Variants in PRR5L observed in about 807,000 individuals in gnomAD.
The protein encoded by PRR5L is proline-rich protein 5-like.
Under a neutral mutation model 36.4 loss-of-function variants are expected in PRR5L, and 21 were observed. That is an observed-to-expected ratio of 0.58 (90% confidence interval 0.41 to 0.83). The LOEUF is 0.83. Among genes scored for constraint, PRR5L ranks in the 40% least tolerant of loss-of-function variants. The pLI is 0.00. For synonymous variants in PRR5L, 188 were observed against 197.0 expected, an observed-to-expected ratio of 0.95 and a Z score of 0.38; for missense variants, 381 against 473.3, an observed-to-expected ratio of 0.80 and a Z score of 1.81.
intron 4 of PRR5L, chr11:36,425,725 G>T (rs1302178536): frequency 6.6e-6 from 1 of 151,998 alleles, no homozygotes; most frequent in African/African-American, 2.4e-5. Context: ...AGTTGTGTTT[G>T]TAAGACTTTG....
intron 1 of PRR5L, among the ~76,000 whole-genome samples, chr11:36,322,639 A>G (rs1331523007): frequency 6.6e-6 from 1 of 152,208 alleles, no homozygotes; most frequent in Non-Finnish European, 1.5e-5. Flanking sequence ...ATAGTACTGC[A>G]TCTTTGGGAC....
chr11:36,437,560 A>C, intron 6 of PRR5L, 84 bp downstream of exon 6: 1 of 789,656 alleles, frequency 1.3e-6, no homozygotes, highest in Middle Eastern at 2.6e-4. Context: ...GCTCCTGGTA[A>C]ATGGGAGAAA....
intron 3 of PRR5L, among the ~76,000 whole-genome samples, chr11:36,410,685 C>T (rs1858007017): frequency 6.6e-6 from 1 of 152,220 alleles, no homozygotes; most frequent in South Asian, 2.1e-4. Flanking sequence ...GATGCCGACA[C>T]CCGAAGGGTG....
At chr11:36,298,403 T>A (rs981228843) in intron 1 of PRR5L, among the ~76,000 whole-genome samples, 7 of 150,314 alleles carry the variant, frequency 4.7e-5, no homozygotes, top group African/African-American at 1.5e-4. Context: ...GCCCTAAACT[T>A]GTTTTCCTCC....
At chr11:36,296,474 G>C (rs150737747) in intron 1 of PRR5L, 36 bp downstream of exon 1, 1 of 152,354 alleles carries the variant, frequency 6.6e-6, no homozygotes, top group Non-Finnish European at 1.5e-5. Context: ...TTGGGGCTAG[G>C]GGGTGGGGTT....
chr11:36,395,484 T>C (rs967168680), intron 1 of PRR5L, among the ~76,000 whole-genome samples: 4 of 152,214 alleles, frequency 2.6e-5, no homozygotes, highest in Non-Finnish European at 5.9e-5. Flanking sequence ...GGCTACCATA[T>C]TGGACAGCAC....
chr11:36,374,118 CTCTCTT>C (rs888294639), intron 1 of PRR5L, among the ~76,000 whole-genome samples: 8,353 of 138,478 alleles, frequency 0.06, 330 homozygotes, highest in African/African-American at 0.092. Flanking sequence ...CTCTCTCTCT[CTCTCTT>C]TCTTTCTTTG....
Position 36,465,200 on chromosome 11 carries a change from T to A in PRR5L, c.*2464T>A, listed in dbSNP as rs888516696. ...GATTCAATAAACAACATTTTGTCCA[T>A]GTTACCCTATTCTCATGCTGGGTGC... is the stretch of plus-strand genomic sequence containing the variant. On this transcript the variant is annotated 3_prime_UTR_variant, in exon 9 of 9. Transcript: ENST00000530639. 2 of 152,200 alleles carry A rather than the reference T, an allele frequency of 1.3e-5. No individual in the cohort carries two copies. Among genetic ancestry groups the A allele is most frequent in the Non-Finnish European group, 2.9e-5 (2 of 68,032 alleles). 9.4% of individuals were successfully genotyped at this position (152,200 alleles called of 1,614,324 possible). A position where few individuals can be genotyped will look rare whatever the true frequency, so the allele number is the denominator to read the frequency against.
chr11:36,408,004 G>T (rs1203544920), intron 3 of PRR5L, among the ~76,000 whole-genome samples: 1 of 152,196 alleles, frequency 6.6e-6, no homozygotes, highest in African/African-American at 2.4e-5. Flanking sequence ...GCCAGGTGCG[G>T]TGGCTCACCC....
At chr11:36,408,597 C>T (rs7122435) in intron 3 of PRR5L, among the ~76,000 whole-genome samples, 34,813 of 151,894 alleles carry the variant, frequency 0.23, 5,663 homozygotes, top group African/African-American at 0.47. Context: ...GGTGTTAGTG[C>T]GGTTTTTAAC....
intron 6 of PRR5L, among the ~76,000 whole-genome samples, chr11:36,444,677 C>A (rs927358301): frequency 1.3e-5 from 2 of 152,190 alleles, no homozygotes; most frequent in South Asian, 4.1e-4. Context: ...GCTTTGCAGT[C>A]TTTCCTTCCC....
At chr11:36,432,716 G>A (rs1299782509) in intron 5 of PRR5L, among the ~76,000 whole-genome samples, 1 of 152,114 alleles carries the variant, frequency 6.6e-6, no homozygotes, top group African/African-American at 2.4e-5. Context: ...GAACATACCG[G>A]ACCCTTTCTT....
chr11:36,307,673 C>A (rs1050641304), intron 1 of PRR5L, among the ~76,000 whole-genome samples: 1 of 152,216 alleles, frequency 6.6e-6, no homozygotes, highest in African/African-American at 2.4e-5. Flanking sequence ...ACAAAAAAAT[C>A]TGAAAGAATA....
chr11:36,460,367 C>T (rs1162949798), intron 8 of PRR5L, among the ~76,000 whole-genome samples: 1 of 152,172 alleles, frequency 6.6e-6, no homozygotes, highest in East Asian at 1.9e-4. Flanking sequence ...AAGCTGCCTC[C>T]TCTGCATCCT....
At chr11:36,406,769 A>G (rs914938267) in intron 3 of PRR5L, among the ~76,000 whole-genome samples, 1 of 152,244 alleles carries the variant, frequency 6.6e-6, no homozygotes, top group Non-Finnish European at 1.5e-5. Flanking sequence ...GTGCAAACAG[A>G]GAAGCCTCAG....
chr11:36,355,232 T>G (rs10501152), intron 1 of PRR5L, among the ~76,000 whole-genome samples: 36,176 of 152,138 alleles, frequency 0.24, 5,355 homozygotes, highest in Non-Finnish European at 0.33. Context: ...AAACATAAAC[T>G]TCAGAGCCTA....
rs117520408 is a variant in PRR5L at position 36,381,417 on chromosome 11, A to G, written c.-125-19580A>G. On this transcript the variant is annotated intron_variant, in intron 1 of 8. Transcript: ENST00000530639. Reference sequence around the variant, plus strand: ...AGAATAGCTGAAAGGATTTGTTTTTATCTTTTTCCCAAGGACAGGGGGCAG... The same window carrying G: ...AGAATAGCTGAAAGGATTTGTTTTTGTCTTTTTCCCAAGGACAGGGGGCAG... Among the ~76,000 whole-genome samples the G allele has an allele frequency of 3.5e-3, 283 of 80,142 alleles. 4 individuals carry two copies. The East Asian group carries it at 0.072, about 20-fold the overall frequency. The allele number at this position is 80,142 out of a possible 152,430, so 52.6% of individuals were successfully genotyped here.
chr11:36,413,310 A>G (rs955059372), intron 3 of PRR5L, among the ~76,000 whole-genome samples: 19 of 152,152 alleles, frequency 1.2e-4, no homozygotes, highest in African/African-American at 4.6e-4. Flanking sequence ...GTGGATTCCC[A>G]GGACTTGTGG....
chr11:36,422,283 G>C (rs962436478), intron 4 of PRR5L, among the ~76,000 whole-genome samples: 1 of 152,216 alleles, frequency 6.6e-6, no homozygotes, highest in Non-Finnish European at 1.5e-5. Flanking sequence ...TTGACTGTCA[G>C]ATGTCGTTTC....
Sources: gnomAD v4.1 joint callset for allele counts (sites outside exome capture counted in the v4.1 genomes callset) on GRCh38, gnomAD v4.1.1 for gene constraint, MANE v1.5 for transcripts, NCBI Gene and HGNC (gene_info 2026-07-23, HGNC 2026-07-21) for gene names.